Variants in MYO6 observed in about 807,000 individuals in gnomAD.
The protein encoded by MYO6 is myosin VI.
MYO6 carries 74 observed loss-of-function variants against 178.7 expected under a neutral mutation model. The ratio of observed to expected loss-of-function variants is 0.41; its 90% CI spans 0.34 to 0.50. MYO6 has a LOEUF of 0.50. MYO6 is among the 20% of genes least tolerant of loss of function. The probability of loss-of-function intolerance (pLI) is 0.09; values close to 1 mark genes in which losing one functional copy is unlikely to be tolerated. For synonymous variants in MYO6, 477 were observed against 504.6 expected (o/e 0.95, Z 0.73); for missense variants, 1,330 against 1,547.4 (o/e 0.86, Z 2.36).
chr6:75,851,436 G>A (rs1278872538), intron 11 of MYO6, among the ~76,000 whole-genome samples: 3 of 151,938 alleles, frequency 2.0e-5, no homozygotes, highest in East Asian at 1.9e-4. Context: ...GATCCAAATG[G>A]TTTCTTTCTA....
At chr6:75,756,748 C>A (rs895448983) in intron 1 of MYO6, among the ~76,000 whole-genome samples, 5 of 151,892 alleles carry the variant, frequency 3.3e-5, no homozygotes, top group Non-Finnish European at 7.4e-5. Context: ...GGTGTTATGA[C>A]CTTCATTTTA....
intron 7 of MYO6, 147 bp downstream of exon 7, chr6:75,836,103 C>T: frequency 1.4e-6 from 1 of 705,778 alleles, no homozygotes; most frequent in Non-Finnish European, 2.6e-6. Flanking sequence ...TGTTATTTAC[C>T]TAATATCAAT....
rs149588340 is a variant in MYO6 at position 75,818,378 on chromosome 6, G to C, written c.117+714G>C. ...TCACTCCATTCTCAGAGAGTGAGGG[G>C]AAGTTTTCCAGAGGAAATAATCTCT... On this transcript the variant is annotated intron_variant, in intron 2 of 34. Transcript: ENST00000369977. Among the ~76,000 whole-genome samples, 208 of 152,224 alleles carry C rather than the reference G, an allele frequency of 1.4e-3. 1 individual carries two copies. The highest frequency in any genetic ancestry group is 4.7e-3 in the African/African-American group (194 of 41,540).
chr6:75,828,173 A>G (rs1772670360), intron 3 of MYO6, among the ~76,000 whole-genome samples: 2 of 152,188 alleles, frequency 1.3e-5, no homozygotes, highest in African/African-American at 2.4e-5. Flanking sequence ...TCTGAGTATC[A>G]GATTGGATTG....
intron 1 of MYO6, among the ~76,000 whole-genome samples, chr6:75,785,922 C>G (rs1476953375): frequency 6.6e-6 from 1 of 151,592 alleles, no homozygotes; most frequent in African/African-American, 2.4e-5. Flanking sequence ...AAAATTAAAA[C>G]AATTTTTTTT....
intron 20 of MYO6, among the ~76,000 whole-genome samples, chr6:75,874,215 G>A (rs574366269): frequency 7.9e-5 from 12 of 151,744 alleles, no homozygotes; most frequent in Non-Finnish European, 1.3e-4. Flanking sequence ...TTCAGCCCCC[G>A]CCTCACAAAT....
In MYO6 at chr6:75,919,100, CAA is replaced by C. The variant is rs1313933945; in HGVS notation, c.*4089_*4090del. ...CGCCATTGCACTCCATCCTGGGCAA[CAA>C]GAGCGAAATTCCATCTCAAAAAATA... On this transcript the variant is annotated 3_prime_UTR_variant, in exon 35 of 35. Coordinates refer to ENST00000369977, the MANE Select transcript of MYO6 (RefSeq NM_004999.4). 3 of 150,114 alleles carry C rather than the reference CAA, an allele frequency of 2.0e-5. No individual in the cohort carries two copies. The highest frequency in any genetic ancestry group is 3.0e-5 in the Non-Finnish European group (2 of 67,672). 9.3% of individuals were successfully genotyped at this position (150,114 alleles called of 1,614,324 possible).
intron 25 of MYO6, among the ~76,000 whole-genome samples, chr6:75,889,502 G>C (rs1393720680): frequency 6.6e-6 from 1 of 152,110 alleles, no homozygotes; most frequent in Non-Finnish European, 1.5e-5. Context: ...CCGCCTCCCG[G>C]GTTCAAGCAA....
intron 1 of MYO6, among the ~76,000 whole-genome samples, chr6:75,811,032 C>A (rs186219440): frequency 1.7e-3 from 253 of 149,998 alleles, no homozygotes; most frequent in Middle Eastern, 6.8e-3. Context: ...TTTTTTTTGG[C>A]ATACCCATAA....
chr6:75,794,166 G>A (rs1176515766), intron 1 of MYO6, among the ~76,000 whole-genome samples: 1 of 152,158 alleles, frequency 6.6e-6, no homozygotes, highest in East Asian at 1.9e-4. Context: ...GAAGAGAAAA[G>A]AGGCAAGAGT....
At chr6:75,852,203 T>A (rs1379473870) in intron 11 of MYO6, among the ~76,000 whole-genome samples, 1 of 152,162 alleles carries the variant, frequency 6.6e-6, no homozygotes, top group Admixed American at 6.5e-5. Flanking sequence ...AATGAATTAT[T>A]TGATGGTCAA....
intron 1 of MYO6, among the ~76,000 whole-genome samples, chr6:75,753,231 A>G (rs1777046935): frequency 6.6e-6 from 1 of 152,000 alleles, no homozygotes; most frequent in African/African-American, 2.4e-5. Context: ...GATTTTTTTC[A>G]TTATTTGCTT....
chr6:75,852,062 A>G (rs1404698060), intron 11 of MYO6, among the ~76,000 whole-genome samples: 1 of 152,052 alleles, frequency 6.6e-6, no homozygotes, highest in African/African-American at 2.4e-5. Context: ...GTGATATGAA[A>G]ACTTTACATG....
At chr6:75,907,565 G>T (rs1469896131) in intron 30 of MYO6, 40 bp from the exon 31 acceptor site, 10 of 1,489,614 alleles carry the variant, frequency 6.7e-6, no homozygotes, top group Non-Finnish European at 9.4e-6. Context: ...TTTTCTTCAT[G>T]TTTCTGGTTT....
In MYO6 at chr6:75,914,363, A is replaced by G. The variant is rs545965711; in HGVS notation, c.3658+82A>G. 4.7e-5 allele frequency: 63 copies of G among 1,329,602 alleles called. No homozygotes were observed. In the African/African-American group the frequency reaches 8.4e-4, roughly 18 times the overall value. The allele number at this position is 1,329,602 out of a possible 1,614,324, so 82.4% of individuals were successfully genotyped here. A position where few individuals can be genotyped will look rare whatever the true frequency, so the allele number is the denominator to read the frequency against. On this transcript the variant is annotated intron_variant, in intron 34 of 34. Transcript: ENST00000369977. ...TGAATGAAACATTCTAATGTATAAT[A>G]TAATAATTTATTACATTTCAGGGTT... is the stretch of plus-strand genomic sequence containing the variant.
chr6:75,854,075 G>A (rs183872351), intron 11 of MYO6, among the ~76,000 whole-genome samples: 144 of 152,150 alleles, frequency 9.5e-4, no homozygotes, highest in Middle Eastern at 3.4e-3. Flanking sequence ...ACTTTTTAAA[G>A]CAGCCCTTAT....
intron 16 of MYO6, among the ~76,000 whole-genome samples, chr6:75,866,065 C>T (rs1248877970): frequency 2.0e-5 from 3 of 147,422 alleles, no homozygotes; most frequent in Admixed American, 6.8e-5. Context: ...ACTCATCTGA[C>T]GTGATAAAGA....
intron 1 of MYO6, among the ~76,000 whole-genome samples, chr6:75,796,107 A>G (rs1768788243): frequency 6.6e-6 from 1 of 152,194 alleles, no homozygotes; most frequent in Non-Finnish European, 1.5e-5. Context: ...ATTATTTGCT[A>G]TTATCTGGTG....
intron 1 of MYO6, among the ~76,000 whole-genome samples, chr6:75,758,070 C>T (rs1025440746): frequency 9.3e-5 from 14 of 150,218 alleles, no homozygotes; most frequent in Admixed American, 8.1e-4. Context: ...TTCTGCCTCC[C>T]AGGTTCAAGC....
Sources: allele counts gnomAD v4.1 joint callset (sites outside exome capture counted in the v4.1 genomes callset), GRCh38; gene constraint gnomAD v4.1.1; transcripts MANE v1.5; gene names NCBI Gene and HGNC (gene_info 2026-07-23, HGNC 2026-07-21).